BPIFB2: variants seen among roughly 807,000 people sequenced by gnomAD.
BPIFB2 encodes the protein BPI fold containing family B member 2.
BPIFB2 carries 39 observed loss-of-function variants against 50.1 expected under a neutral mutation model. The ratio of observed to expected loss-of-function variants is 0.78; its 90% CI spans 0.60 to 1.02. BPIFB2 has a LOEUF of 1.02. Among genes scored for constraint, BPIFB2 ranks in the 50% least tolerant of loss-of-function variants. The pLI is 0.00. For synonymous variants in BPIFB2, 280 were observed against 256.3 expected, an observed-to-expected ratio of 1.09 and a Z score of -0.88; for missense variants, 574 against 585.8, an observed-to-expected ratio of 0.98 and a Z score of 0.21.
At chr20:33,014,475 T>C (rs1287371354) in intron 5 of BPIFB2, among the ~76,000 whole-genome samples, 3 of 152,170 alleles carry the variant, frequency 2.0e-5, no homozygotes, top group South Asian at 4.1e-4. Flanking sequence ...TCCTACCAGG[T>C]AGGTGTTAAG....
chr20:33,018,345 G>A lies in BPIFB2; in HGVS notation c.664G>A (p.Val222Ile), dbSNP rs1978511052. The A allele has an allele frequency of 1.2e-6, 2 of 1,612,160 alleles. No individual in the cohort carries two copies. The highest frequency in any genetic ancestry group is 1.7e-5 in the Admixed American group (1 of 59,984). Residue 222 changes from valine (V) to isoleucine (I), a missense_variant, in exon 8 of 16, where the codon GTC becomes ATC. Transcript: ENST00000170150. ...TVTSDYISLE[V>I]NAVLFLLGKP... ...CACCAGTGACTACATTTCCCTGGAA[G>A]TCAATGTAAGTGCCTCCTGGCCAGC...
chr20:33,008,830 G>T lies in BPIFB2; in HGVS notation c.109+147G>T, dbSNP rs1364386312. 94 of 638,906 alleles carry T rather than the reference G, an allele frequency of 1.5e-4. No homozygotes were observed. In the East Asian group the frequency reaches 2.9e-3, roughly 19 times the overall value. The allele number at this position is 638,906 out of a possible 1,614,324, so 39.6% of individuals were successfully genotyped here. ...TGTCCCTGGCACCCAGACAGTGCCT[G>T]ACACATGGCGCTGCTCAACAAATGC... On this transcript the variant is annotated intron_variant, in intron 2 of 15. Transcript: ENST00000170150.
At chr20:33,019,528 G>C in intron 10 of BPIFB2, 52 bp from the exon 11 acceptor site, 2 of 1,516,922 alleles carry the variant, frequency 1.3e-6, no homozygotes, top group Non-Finnish European at 1.8e-6. Context: ...ACTGACCAGA[G>C]AGCCCGCCAG....
chr20:33,021,446 C>A, intron 14 of BPIFB2, 102 bp downstream of exon 14: 1 of 1,343,256 alleles, frequency 7.4e-7, no homozygotes, highest in Non-Finnish European at 1.0e-6. Flanking sequence ...CCCAGGCTCA[C>A]AGGGTGAGAG....
rs1362108312 is a variant in BPIFB2 at position 33,023,677 on chromosome 20, C to A, written c.*294C>A. The A allele has an allele frequency of 8.0e-6, 4 of 498,476 alleles. No homozygotes were observed. Among genetic ancestry groups the A allele is most frequent in the South Asian group, 7.3e-5 (3 of 40,872 alleles). 30.9% of individuals were successfully genotyped at this position (498,476 alleles called of 1,614,324 possible). A position where few individuals can be genotyped will look rare whatever the true frequency, so the allele number is the denominator to read the frequency against. On this transcript the variant is annotated 3_prime_UTR_variant, in exon 16 of 16. Transcript: ENST00000170150. The stretch of plus-strand genomic sequence containing the variant: ...CAGGCTGTATAGACCTGCCCTCTTG[C>A]ATTAAACAACTTCTCTTGAGCTGCA...
intron 1 of BPIFB2, among the ~76,000 whole-genome samples, chr20:33,008,175 A>T (rs1568975055): frequency 6.6e-6 from 1 of 152,182 alleles, no homozygotes; most frequent in Non-Finnish European, 1.5e-5. Flanking sequence ...CAGGTGATAC[A>T]GTCCTGGGCA....
chr20:33,018,259 G>A lies in BPIFB2; in HGVS notation c.578G>A (p.Gly193Asp). The A allele has an allele frequency of 1.9e-6, 3 of 1,610,002 alleles. No individual in the cohort carries two copies. The highest frequency in any genetic ancestry group is 2.5e-6 in the Non-Finnish European group (3 of 1,176,878). The change falls in exon 8 of 16, where the codon GGC (glycine) becomes GAC (aspartate). Residue 193 changes from glycine to aspartate, a missense_variant and splice_region_variant. Coordinates refer to ENST00000170150, the MANE Select transcript of BPIFB2 (RefSeq NM_025227.3). ...GVNVHLGTLIGLNPVGPESQI... is the reference protein window; with the variant it reads ...GVNVHLGTLIDLNPVGPESQI... ...TCTTCTCTACCCTGGTTTCATGAAGGCCTCAACCCCGTGGGTCCTGAGTCC... is the reference window on the plus strand; with the variant it reads ...TCTTCTCTACCCTGGTTTCATGAAGACCTCAACCCCGTGGGTCCTGAGTCC...
chr20:33,014,043 A>C, intron 5 of BPIFB2, 87 bp downstream of exon 5: 7 of 1,492,644 alleles, frequency 4.7e-6, no homozygotes, highest in Non-Finnish European at 6.3e-6. Flanking sequence ...CAGGACTTTA[A>C]CCAATGGCCA....
intron 2 of BPIFB2, 109 bp downstream of exon 2, chr20:33,008,792 T>A: frequency 2.2e-6 from 2 of 911,558 alleles, no homozygotes; most frequent in African/African-American, 1.7e-5. Flanking sequence ...ACCCAGATTT[T>A]AATTGGAAGT....
At chr20:33,018,385 T>C (rs965837544) in intron 8 of BPIFB2, 35 bp downstream of exon 8, 3 of 1,554,306 alleles carry the variant, frequency 1.9e-6, no homozygotes, top group East Asian at 4.5e-5. Flanking sequence ...AGCTGGGGGC[T>C]TGCTGCCTCT....
At position 33,021,740 on chromosome 20, in the gene BPIFB2, A is replaced by T. The variant is rs765559241; in HGVS notation, c.1276A>T (p.Ile426Phe). 1.2e-6 allele frequency: 2 copies of T among 1,614,098 alleles called. No homozygotes were observed. Among genetic ancestry groups the T allele is most frequent in the African/African-American group, 1.3e-5 (1 of 75,022 alleles). Residue 426 changes from isoleucine to phenylalanine, a missense_variant, in exon 15 of 16, where the codon ATT becomes TTT. Transcript: ENST00000170150. ...DHLNALLAMGIALPGVVNLHY... is the reference protein window; with the variant it reads ...DHLNALLAMGFALPGVVNLHY... ...GCCTGCAGCTCTCTTGGCCATGGGA[A>T]TTGCCCTCCCTGGTGTGGTCAACCT...
At chr20:33,018,958 G>A in intron 9 of BPIFB2, 104 bp from the exon 10 acceptor site, 1 of 1,585,252 alleles carries the variant, frequency 6.3e-7, no homozygotes, top group Non-Finnish European at 8.7e-7. Context: ...TGTTGGAAGG[G>A]TTAAACGGGG....
At chr20:33,021,128 A>G (rs188778622) in intron 13 of BPIFB2, among the ~76,000 whole-genome samples, 153 bp from the exon 14 acceptor site, 42 of 152,280 alleles carry the variant, frequency 2.8e-4, no homozygotes, top group African/African-American at 8.9e-4. Context: ...TGAACCCAGG[A>G]CATGGGTGAT....
Position 33,020,579 on chromosome 20 carries a change from T to C in BPIFB2, c.1186T>C (p.Phe396Leu). The C allele has an allele frequency of 1.9e-6, 3 of 1,608,492 alleles. No individual in the cohort carries two copies. The highest frequency in any genetic ancestry group is 2.5e-6 in the Non-Finnish European group (3 of 1,176,598). Residue 396 changes from phenylalanine (F) to leucine (L), a missense_variant, in exon 13 of 16, where the codon TTC (phenylalanine) becomes CTC (leucine). By Grantham distance (22) the Phe-to-Leu change is conservative. Coordinates refer to ENST00000170150, the MANE Select transcript of BPIFB2 (RefSeq NM_025227.3). ...CACGGTGGCCTCCTCCAACGTGGGC[T>C]TCATTGATGTGAGTGTGGGGCTGGG... ...QLTVASSNVG[F>L]IDTDQVRTLM...
intron 3 of BPIFB2, among the ~76,000 whole-genome samples, chr20:33,012,000 A>AAAAC (rs746962883): frequency 2.6e-5 from 4 of 152,200 alleles, no homozygotes; most frequent in Non-Finnish European, 4.4e-5. Flanking sequence ...AACAAAAACA[A>AAAAC]AAACAAACAA....
chr20:33,009,571 C>T lies in BPIFB2; in HGVS notation c.109+888C>T, dbSNP rs574902551. The stretch of plus-strand genomic sequence containing the variant: ...GCTCAGGGAAGTAGCAGGTTTCCCC[C>T]ACCCCTGGGTAAACACAGCCTTCCG... On this transcript the variant is annotated intron_variant, in intron 2 of 15. Transcript: ENST00000170150. This position sits in a 1 kb window ranked among gnomAD's most constrained non-coding sequence, Gnocchi z 4.2. Among the ~76,000 whole-genome samples the T allele has an allele frequency of 9.9e-5, 15 of 152,190 alleles. No individual in the cohort carries two copies. The highest frequency in any genetic ancestry group is 3.6e-4 in the African/African-American group (15 of 41,446).
intron 2 of BPIFB2, 38 bp from the exon 3 acceptor site, chr20:33,010,986 C>G (rs762503944): frequency 6.3e-7 from 1 of 1,575,464 alleles, no homozygotes; most frequent in Non-Finnish European, 8.7e-7. Context: ...TGGTGGTTCC[C>G]GAGGGCACCC....
intron 11 of BPIFB2, 53 bp downstream of exon 11, chr20:33,019,803 T>A: frequency 6.6e-7 from 1 of 1,510,754 alleles, no homozygotes; most frequent in South Asian, 1.3e-5. Flanking sequence ...GAGACCTCCC[T>A]CCCTGCTTCA....
At chr20:33,011,138 G>A (rs1412450461) in intron 3 of BPIFB2, 21 bp downstream of exon 3, 1 of 1,607,536 alleles carries the variant, frequency 6.2e-7, no homozygotes, top group African/African-American at 1.3e-5. Flanking sequence ...CCCTCCTCCA[G>A]AGAAGGTGCT....
Sources: gnomAD v4.1 joint callset for allele counts (sites outside exome capture counted in the v4.1 genomes callset) on GRCh38, gnomAD v4.1.1 for gene constraint, Gnocchi (gnomAD v3.1) non-coding constraint, MANE v1.5 for transcripts, NCBI Gene and HGNC (gene_info 2026-07-23, HGNC 2026-07-21) for gene names.